CLYBL: variants seen among roughly 807,000 people sequenced by gnomAD.
The protein encoded by CLYBL is citramalyl-CoA lyase, mitochondrial.
A neutral mutation model predicts 38.9 loss-of-function variants in CLYBL; 31 were observed. That is an observed-to-expected ratio of 0.80 (90% CI 0.60 to 1.08). CLYBL has a LOEUF of 1.08. Ranked by LOEUF, CLYBL falls within the 50% of genes least tolerant of loss-of-function variation. The pLI, the probability that CLYBL is intolerant of heterozygous loss-of-function variation, is 0.00. For missense variants in CLYBL, 434 were observed against 411.6 expected, an observed-to-expected ratio of 1.05 and a Z score of -0.47; for synonymous variants, 171 against 158.6, an observed-to-expected ratio of 1.08 and a Z score of -0.59.
At chr13:99,675,007 T>G (rs1028584090) in intron 1 of CLYBL, among the ~76,000 whole-genome samples, 2 of 152,168 alleles carry the variant, frequency 1.3e-5, no homozygotes, top group African/African-American at 4.8e-5. Context: ...GAATAGCTGC[T>G]GCATTCCAGT....
intron 4 of CLYBL, 80 bp downstream of exon 4, chr13:99,863,172 C>G: frequency 2.9e-6 from 2 of 685,926 alleles, no homozygotes; most frequent in Non-Finnish European, 4.8e-6. Flanking sequence ...ATTTTAACAT[C>G]TTCTTAAAAT....
chr13:99,638,697 G>A (rs895695873), intron 1 of CLYBL, among the ~76,000 whole-genome samples: 5 of 152,208 alleles, frequency 3.3e-5, no homozygotes, highest in Non-Finnish European at 5.9e-5. Flanking sequence ...TGTGAGATAA[G>A]TTTTATTTAT....
chr13:99,885,332 C>CAG (rs1175862549), intron 7 of CLYBL, among the ~76,000 whole-genome samples: 1 of 152,204 alleles, frequency 6.6e-6, no homozygotes, highest in Non-Finnish European at 1.5e-5. Flanking sequence ...AAAGGGCCTT[C>CAG]AGAGAGAGAA....
At chr13:99,801,218 C>T (rs780256098) in intron 2 of CLYBL, among the ~76,000 whole-genome samples, 7 of 152,200 alleles carry the variant, frequency 4.6e-5, no homozygotes, top group African/African-American at 9.6e-5. Flanking sequence ...CTGTGAGGAA[C>T]GTTTGTTAAA....
chr13:99,794,393 G>A (rs1433519059), intron 2 of CLYBL, among the ~76,000 whole-genome samples: 5 of 151,944 alleles, frequency 3.3e-5, no homozygotes, highest in Admixed American at 6.6e-5. Context: ...GCACTCCAGC[G>A]TGGCTGACAA....
At chr13:99,739,151 G>C (rs1339907773) in intron 1 of CLYBL, among the ~76,000 whole-genome samples, 1 of 152,052 alleles carries the variant, frequency 6.6e-6, no homozygotes, top group African/African-American at 2.4e-5. Flanking sequence ...TCTAATAATG[G>C]TGTTTTATAA....
intron 1 of CLYBL, among the ~76,000 whole-genome samples, chr13:99,764,194 A>G (rs2049222737): frequency 6.6e-6 from 1 of 151,824 alleles, no homozygotes. Context: ...AGTAGCTAGG[A>G]CTACAGATGT....
chr13:99,900,179 G>A (rs751732741), downstream of CLYBL, among the ~76,000 whole-genome samples: 1 of 135,838 alleles, frequency 7.4e-6, no homozygotes, highest in Non-Finnish European at 1.7e-5. Flanking sequence ...CACCCGCCTC[G>A]GCCTCCCAAA....
At chr13:99,870,173 G>C (rs1235496543) in intron 6 of CLYBL, among the ~76,000 whole-genome samples, 1 of 152,036 alleles carries the variant, frequency 6.6e-6, no homozygotes, top group Non-Finnish European at 1.5e-5. Context: ...ACCCAGTCTT[G>C]ATTCTATAAG....
At chr13:99,835,982 G>A (rs1163512014) in intron 2 of CLYBL, among the ~76,000 whole-genome samples, 2 of 152,196 alleles carry the variant, frequency 1.3e-5, no homozygotes, top group Non-Finnish European at 2.9e-5. Flanking sequence ...AACGACAAGG[G>A]GCAGCTCAGG....
At chr13:99,845,201 G>A (rs1299024160) in intron 2 of CLYBL, among the ~76,000 whole-genome samples, 1 of 152,098 alleles carries the variant, frequency 6.6e-6, no homozygotes, top group Non-Finnish European at 1.5e-5. Context: ...TTGACGCACG[G>A]TTTAGAGAAG....
chr13:99,800,259 C>T (rs982421375), intron 2 of CLYBL, among the ~76,000 whole-genome samples: 18 of 152,190 alleles, frequency 1.2e-4, no homozygotes, highest in Admixed American at 1.1e-3. Context: ...TCAGGCCAGA[C>T]CACATGACTT....
Position 99,907,634 on chromosome 13 carries a change from G to A in CLYBL, c.*161-421G>A, listed in dbSNP as rs1055418429. Among the ~76,000 whole-genome samples, 4 of 152,184 alleles carry A rather than the reference G, an allele frequency of 2.6e-5. No homozygotes were observed. In the East Asian group the frequency reaches 5.8e-4, roughly 22 times the overall value. On this transcript the variant is annotated intron_variant and NMD_transcript_variant, in intron 9 of 9. Coordinates refer to the CLYBL transcript ENST00000689673. Reference sequence around the variant, plus strand: ...GAGACTCAGGAGGCTGAACCAGGAGGATTGCCTGAGGCCAAGAGTTCAAAA... The same window carrying A: ...GAGACTCAGGAGGCTGAACCAGGAGAATTGCCTGAGGCCAAGAGTTCAAAA...
chr13:99,739,975 GA>G (rs1467185717), intron 1 of CLYBL, among the ~76,000 whole-genome samples: 2 of 147,080 alleles, frequency 1.4e-5, no homozygotes, highest in Non-Finnish European at 3.0e-5. Context: ...CCATCTTGAG[GA>G]AAAAAAAACA....
chr13:99,817,233 A>G (rs549601374), intron 2 of CLYBL, among the ~76,000 whole-genome samples: 11 of 152,324 alleles, frequency 7.2e-5, no homozygotes, highest in South Asian at 4.1e-4. Context: ...ATTTCAACAT[A>G]TATATCTTTA....
At chr13:99,643,135 C>CA (rs796930520) in intron 1 of CLYBL, 1 of 153,080 alleles carries the variant, frequency 6.5e-6, no homozygotes, top group South Asian at 2.1e-4. Context: ...GAGAGAAAGG[C>CA]AGTAGGTCTG....
intron 1 of CLYBL, among the ~76,000 whole-genome samples, chr13:99,737,932 G>A (rs1237576165): frequency 6.6e-6 from 1 of 152,028 alleles, no homozygotes; most frequent in Non-Finnish European, 1.5e-5. Flanking sequence ...TACATTTATT[G>A]AGTACCACAT....
chr13:99,818,447 A>ACG (rs1491452666), intron 2 of CLYBL, among the ~76,000 whole-genome samples: 1 of 36,306 alleles, frequency 2.8e-5, no homozygotes, highest in Non-Finnish European at 4.1e-5. Context: ...GGAGCAGAAA[A>ACG]CACACACACA....
chr13:99,755,119 G>A (rs1006064656), intron 1 of CLYBL, among the ~76,000 whole-genome samples: 22 of 151,894 alleles, frequency 1.4e-4, no homozygotes, highest in African/African-American at 4.8e-4. Context: ...GGATGGTCTC[G>A]CTCTCCTGAC....
Sources: allele counts gnomAD v4.1 joint callset (sites outside exome capture counted in the v4.1 genomes callset), GRCh38; gene constraint gnomAD v4.1.1; transcripts MANE v1.5; gene names NCBI Gene and HGNC (gene_info 2026-07-23, HGNC 2026-07-21).